The following MUSK variants were observed in gnomAD, a reference collection of about 807,000 sequenced individuals.
The protein encoded by MUSK is muscle associated receptor tyrosine kinase.
A neutral mutation model predicts 88.7 loss-of-function variants in MUSK; 55 were observed. That is an observed-to-expected ratio of 0.62 (90% CI 0.50 to 0.78). MUSK has a LOEUF of 0.78. MUSK is among the 30% of genes least tolerant of loss of function. The pLI, the probability that MUSK is intolerant of heterozygous loss-of-function variation, is 0.00. For missense variants in MUSK, 1,015 were observed against 1,074.3 expected, an observed-to-expected ratio of 0.94 and a Z score of 0.77; for synonymous variants, 387 against 391.9, an observed-to-expected ratio of 0.99 and a Z score of 0.15.
intron 1 of MUSK, among the ~76,000 whole-genome samples, chr9:110,679,324 A>T (rs1454703838): frequency 6.6e-6 from 1 of 151,978 alleles, no homozygotes; most frequent in East Asian, 1.9e-4. Context: ...ATCATTAAGC[A>T]ATGTTTCTTT....
chr9:110,689,957 T>C (rs1350379822), intron 3 of MUSK, among the ~76,000 whole-genome samples: 1 of 73,840 alleles, frequency 1.4e-5, no homozygotes, highest in African/African-American at 5.0e-5. Flanking sequence ...TAAATATAAA[T>C]ATATATTTAT....
chr9:110,732,741 T>G (rs2076981626), intron 5 of MUSK, among the ~76,000 whole-genome samples: 1 of 152,150 alleles, frequency 6.6e-6, no homozygotes, highest in African/African-American at 2.4e-5. Context: ...TTCTTTGTTA[T>G]TTTTTAATAA....
chr9:110,689,339 TAA>T, intron 3 of MUSK, among the ~76,000 whole-genome samples: 1 of 117,402 alleles, frequency 8.5e-6, no homozygotes, highest in African/African-American at 3.5e-5. Context: ...TATTTAAATA[TAA>T]ATATATAAAT....
In MUSK at chr9:110,681,100, A is replaced by ATATTATATAATATT. The variant is rs1202157671; in HGVS notation, c.80-1574_80-1573insTATTATATAATATT. 1.0e-4 allele frequency among the ~76,000 whole-genome samples: 2 copies of ATATTATATAATATT among 19,218 alleles called. 1 individual carries two copies. Among genetic ancestry groups the ATATTATATAATATT allele is most frequent in the African/African-American group, 5.6e-4 (2 of 3,596 alleles). 12.6% of individuals were successfully genotyped at this position (19,218 alleles called of 152,430 possible). ...ATATATTATATAATATATATTATAT[A>ATATTATATAATATT]ATATATATTATATATAATATATATT... On this transcript the variant is annotated intron_variant, in intron 1 of 14. Coordinates refer to ENST00000374448, the MANE Select transcript of MUSK (RefSeq NM_005592.4).
chr9:110,767,122 T>A (rs148808760), intron 8 of MUSK, among the ~76,000 whole-genome samples: 1 of 152,354 alleles, frequency 6.6e-6, no homozygotes, highest in Non-Finnish European at 1.5e-5. Flanking sequence ...ATTACTTACA[T>A]CATTCAACAG....
At chr9:110,672,449 A>G (rs1448071265) in intron 1 of MUSK, among the ~76,000 whole-genome samples, 2 of 152,142 alleles carry the variant, frequency 1.3e-5, no homozygotes, top group Non-Finnish European at 2.9e-5. Context: ...CTATGTGAAC[A>G]TAGGGTAGGG....
intron 7 of MUSK, among the ~76,000 whole-genome samples, chr9:110,752,688 G>GA (rs2077262908): frequency 6.6e-6 from 1 of 152,164 alleles, no homozygotes; most frequent in African/African-American, 2.4e-5. Context: ...CAGGAAAACT[G>GA]GAAATGGAAA....
At chr9:110,773,910 T>C (rs1167983680) in intron 9 of MUSK, among the ~76,000 whole-genome samples, 1 of 152,212 alleles carries the variant, frequency 6.6e-6, no homozygotes, top group Non-Finnish European at 1.5e-5. Flanking sequence ...TCAAAATATT[T>C]GTAAAATTCA....
chr9:110,681,149 A>AT (rs2076130034), intron 1 of MUSK, among the ~76,000 whole-genome samples: 1 of 76,640 alleles, frequency 1.3e-5, no homozygotes, highest in Admixed American at 2.0e-4. Context: ...GGATCGTTAT[A>AT]ATATATATTA....
rs376236950 is a variant in MUSK, at chr9:110,687,287, C to A, written c.358+19C>A. ...AAGATGAGTGAGTGGGAAACAGATTCGTCTATTGATTTGAAAGTTGACTTG... is the reference window on the plus strand; with the variant it reads ...AAGATGAGTGAGTGGGAAACAGATTAGTCTATTGATTTGAAAGTTGACTTG... On this transcript the variant is annotated intron_variant, in intron 3 of 14. Transcript: ENST00000374448. 6.2e-7 allele frequency: 1 copy of A among 1,612,076 alleles called. No homozygotes were observed. Among genetic ancestry groups the A allele is most frequent in the South Asian group, 1.1e-5 (1 of 90,774 alleles).
At chr9:110,797,346 CAGTG>C (rs1255724012) in intron 14 of MUSK, among the ~76,000 whole-genome samples, 1 of 151,622 alleles carries the variant, frequency 6.6e-6, no homozygotes, top group Non-Finnish European at 1.5e-5. Flanking sequence ...GCAGTCGAGG[CAGTG>C]AACTAGGGTG....
chr9:110,724,275 A>G (rs1587957156), intron 5 of MUSK, among the ~76,000 whole-genome samples: 1 of 152,092 alleles, frequency 6.6e-6, no homozygotes, highest in South Asian at 2.1e-4. Flanking sequence ...TTGAAAGTCA[A>G]TTTATTATTG....
In MUSK at chr9:110,805,460, AG is replaced by A. The variant is rs1328467482; in HGVS notation, c.*4474del. Among the ~76,000 whole-genome samples the A allele has an allele frequency of 3.3e-5, 5 of 151,910 alleles. No homozygotes were observed. The East Asian group carries it at 9.6e-4, about 29-fold the overall frequency. ...AAATTGAACATTGTTTAATGTTTTG[AG>A]GATACTTGATTGGTGATTTGCCTCC... On this transcript the variant is annotated 3_prime_UTR_variant, in exon 15 of 15. Transcript: ENST00000374448.
intron 5 of MUSK, among the ~76,000 whole-genome samples, chr9:110,717,524 C>A (rs1432878717): frequency 6.7e-6 from 1 of 149,978 alleles, no homozygotes; most frequent in Non-Finnish European, 1.5e-5. Context: ...ATAAATAGTT[C>A]TATCAATATA....
At chr9:110,728,589 A>C (rs1437646953) in intron 5 of MUSK, 2 of 770,372 alleles carry the variant, frequency 2.6e-6, no homozygotes, top group Admixed American at 4.3e-5. Flanking sequence ...CTTGTTGCAC[A>C]ACTGATGTTT....
At chr9:110,671,441 T>G (rs2075955483) in intron 1 of MUSK, among the ~76,000 whole-genome samples, 1 of 152,234 alleles carries the variant, frequency 6.6e-6, no homozygotes, top group Non-Finnish European at 1.5e-5. Flanking sequence ...GTACAATATG[T>G]ATTAGCTAAT....
chr9:110,727,168 TGAGTTGATG>T (rs551139193), intron 5 of MUSK, among the ~76,000 whole-genome samples: 361 of 152,212 alleles, frequency 2.4e-3, no homozygotes, highest in Middle Eastern at 6.8e-3. Context: ...AATGTACCAC[TGAGTTGATG>T]GAGGTAGGGA....
chr9:110,762,541 G>C (rs2077417404), intron 8 of MUSK, among the ~76,000 whole-genome samples: 1 of 151,658 alleles, frequency 6.6e-6, no homozygotes, highest in South Asian at 2.1e-4. Context: ...CATGGAATGG[G>C]TATTATTGTT....
At chr9:110,747,952 G>A in intron 7 of MUSK, 152 bp downstream of exon 7, 2 of 1,074,026 alleles carry the variant, frequency 1.9e-6, no homozygotes, top group Non-Finnish European at 2.8e-6. Flanking sequence ...ATACTCCGGA[G>A]GTGACCTAGA....
Sources: gnomAD v4.1 joint callset for allele counts (sites outside exome capture counted in the v4.1 genomes callset) on GRCh38, gnomAD v4.1.1 for gene constraint, MANE v1.5 for transcripts, NCBI Gene and HGNC (gene_info 2026-07-23, HGNC 2026-07-21) for gene names.